Variants in CCSER1 observed in about 807,000 individuals in gnomAD.
CCSER1 encodes serine-rich coiled-coil domain-containing protein 1.
A neutral mutation model predicts 82.0 loss-of-function variants in CCSER1; 41 were observed. The observed-to-expected ratio is 0.50, with a 90% CI of 0.39 to 0.65. The LOEUF is 0.65. CCSER1 is among the 30% of genes least tolerant of loss of function. The pLI is 0.00. For missense variants in CCSER1, 1,119 were observed against 1,064.2 expected (o/e 1.05, Z -0.72); for synonymous variants, 414 against 383.9 (o/e 1.08, Z -0.92).
chr4:91,246,271 T>C (rs7665964), intron 10 of CCSER1, among the ~76,000 whole-genome samples: 1,945 of 152,322 alleles, frequency 0.013, 50 homozygotes, highest in African/African-American at 0.045. Context: ...CATGTCTGTT[T>C]GTATACAGAA....
chr4:91,547,104 T>G (rs1761930793), intron 10 of CCSER1, among the ~76,000 whole-genome samples: 1 of 151,994 alleles, frequency 6.6e-6, no homozygotes, highest in Admixed American at 6.6e-5. Context: ...GGAGTAGACA[T>G]TGCATGATTT....
intron 10 of CCSER1, among the ~76,000 whole-genome samples, chr4:91,171,408 CT>C (rs1732742125): frequency 1.3e-5 from 2 of 152,152 alleles, no homozygotes; most frequent in Admixed American, 1.3e-4. Flanking sequence ...CTTGAGTAGT[CT>C]AGCTTCCTAA....
intron 9 of CCSER1, among the ~76,000 whole-genome samples, chr4:90,997,871 T>G (rs977540693): frequency 1.3e-5 from 2 of 152,120 alleles, no homozygotes; most frequent in Non-Finnish European, 2.9e-5. Flanking sequence ...GATTTTTCAT[T>G]TGTCAATTTC....
intron 3 of CCSER1, among the ~76,000 whole-genome samples, chr4:90,366,007 A>T (rs1463983152): frequency 6.6e-6 from 1 of 151,816 alleles, no homozygotes; most frequent in Non-Finnish European, 1.5e-5. Context: ...CAAATATTAC[A>T]TTTCAATGCC....
rs28831735 is a variant in CCSER1 at position 90,270,317 on chromosome 4, T to A, written c.-41-37927T>A. On this transcript the variant is annotated intron_variant, in intron 1 of 10. Transcript: ENST00000509176. ...AACACATTAAAAAGATCATTCATAATGACCAACTGGGATTTATTCCAGGGA... is the reference window on the plus strand; with the variant it reads ...AACACATTAAAAAGATCATTCATAAAGACCAACTGGGATTTATTCCAGGGA... 6.2e-3 allele frequency among the ~76,000 whole-genome samples: 950 copies of A among 152,172 alleles called. 8 individuals carry two copies. Among genetic ancestry groups the A allele is most frequent in the African/African-American group, 0.022 (922 of 41,540 alleles).
intron 1 of CCSER1, among the ~76,000 whole-genome samples, chr4:90,177,101 A>G (rs1280824402): frequency 6.6e-6 from 1 of 152,084 alleles, no homozygotes; most frequent in Non-Finnish European, 1.5e-5. Context: ...ATTTTCAGAC[A>G]AACTGTGCAT....
chr4:90,951,443 CTT>C (rs1267353064), intron 9 of CCSER1: 1 of 151,896 alleles, frequency 6.6e-6, no homozygotes, highest in East Asian at 1.9e-4. Flanking sequence ...AGTAAGGAAA[CTT>C]TTTTCGGTTA....
chr4:90,433,443 G>A (rs1042217798), intron 4 of CCSER1, among the ~76,000 whole-genome samples: 4 of 151,940 alleles, frequency 2.6e-5, no homozygotes, highest in Non-Finnish European at 5.9e-5. Context: ...ATGGTCAAGG[G>A]ACTCTTAAGA....
At position 91,127,967 on chromosome 4, in the gene CCSER1, C is replaced by CT. The variant is rs542559880; in HGVS notation, c.2217+41977dup. Reference sequence around the variant, plus strand: ...ACTGGGACACTCCCAGATCTCAGTCCTTTTCAAAAGTCCCCTATAATGTAT... The same window carrying CT: ...ACTGGGACACTCCCAGATCTCAGTCCTTTTTCAAAAGTCCCCTATAATGTAT... On this transcript the variant is annotated intron_variant, in intron 10 of 10. Coordinates refer to ENST00000509176, the MANE Select transcript of CCSER1 (RefSeq NM_001145065.2). Among the ~76,000 whole-genome samples the CT allele has an allele frequency of 5.5e-3, 837 of 152,108 alleles. 4 individuals are homozygous for CT. The highest frequency in any genetic ancestry group is 0.019 in the African/African-American group (795 of 41,526).
At chr4:90,253,303 T>A (rs963497381) in intron 1 of CCSER1, among the ~76,000 whole-genome samples, 33 of 152,130 alleles carry the variant, frequency 2.2e-4, no homozygotes, top group African/African-American at 7.5e-4. Flanking sequence ...AAATTTTAAT[T>A]TTTAGTGGGT....
At chr4:90,838,886 T>G in intron 8 of CCSER1, 1 of 1,613,066 alleles carries the variant, frequency 6.2e-7, no homozygotes, top group Non-Finnish European at 8.5e-7. Flanking sequence ...CAGTGCATAT[T>G]GGCGGCGCAC....
intron 5 of CCSER1, among the ~76,000 whole-genome samples, chr4:90,562,776 A>C (rs898696720): frequency 8.6e-5 from 13 of 151,238 alleles, no homozygotes; most frequent in Admixed American, 2.6e-4. Context: ...GGACTCAAGC[A>C]GTCCTCCTGC....
intron 10 of CCSER1, among the ~76,000 whole-genome samples, chr4:91,382,839 G>C (rs6837304): frequency 6.6e-6 from 1 of 151,774 alleles, no homozygotes; most frequent in Non-Finnish European, 1.5e-5. Flanking sequence ...CTATTTGGCC[G>C]TCTTGGAATT....
intron 1 of CCSER1, among the ~76,000 whole-genome samples, chr4:90,208,493 C>G (rs1304057528): frequency 6.6e-6 from 1 of 151,542 alleles, no homozygotes; most frequent in African/African-American, 2.4e-5. Context: ...GCTTCAGCCC[C>G]TCTTTCCAGG....
At chr4:90,466,990 A>G (rs1390366019) in intron 4 of CCSER1, among the ~76,000 whole-genome samples, 2 of 152,250 alleles carry the variant, frequency 1.3e-5, no homozygotes, top group Admixed American at 6.5e-5. Context: ...AAATCGTGGT[A>G]TATTCACCAG....
At chr4:91,181,505 T>C (rs1482031421) in intron 10 of CCSER1, among the ~76,000 whole-genome samples, 1 of 152,190 alleles carries the variant, frequency 6.6e-6, no homozygotes, top group Non-Finnish European at 1.5e-5. Context: ...GAGTAGGCCA[T>C]ATCATTTGAG....
chr4:90,769,460 G>A (rs918149598), intron 7 of CCSER1, among the ~76,000 whole-genome samples: 1 of 152,162 alleles, frequency 6.6e-6, no homozygotes, highest in Non-Finnish European at 1.5e-5. Flanking sequence ...AAAGCCAAGA[G>A]CCATGGAGAA....
At chr4:90,247,464 A>G (rs1721644705) in intron 1 of CCSER1, among the ~76,000 whole-genome samples, 1 of 152,194 alleles carries the variant, frequency 6.6e-6, no homozygotes, top group Admixed American at 6.6e-5. Context: ...AATGCAGTGA[A>G]TATTAAAGTG....
At chr4:90,567,889 G>A (rs1779596550) in intron 5 of CCSER1, among the ~76,000 whole-genome samples, 1 of 152,148 alleles carries the variant, frequency 6.6e-6, no homozygotes, top group Non-Finnish European at 1.5e-5. Context: ...TCATAGGCAT[G>A]AGCCATTATT....
Sources: allele counts gnomAD v4.1 joint callset (sites outside exome capture counted in the v4.1 genomes callset), GRCh38; gene constraint gnomAD v4.1.1; transcripts MANE v1.5; gene names NCBI Gene and HGNC (gene_info 2026-07-23, HGNC 2026-07-21).